HNRNPC: variants seen among roughly 807,000 people sequenced by gnomAD.
HNRNPC encodes heterogeneous nuclear ribonucleoproteins C1/C2.
A neutral mutation model predicts 33.2 loss-of-function variants in HNRNPC; 3 were observed. The observed-to-expected ratio is 0.09, with a 90% CI of 0.04 to 0.23. The LOEUF (loss-of-function observed/expected upper bound fraction) is 0.23. Ranked by LOEUF, HNRNPC falls within the 10% of genes least tolerant of loss-of-function variation. The pLI, the probability that HNRNPC is intolerant of heterozygous loss-of-function variation, is 1.00. For synonymous variants in HNRNPC, 121 were observed against 126.7 expected (o/e 0.96, Z 0.30); for missense variants, 143 against 366.7 (o/e 0.39, Z 4.98).
chr14:21,225,009 C>T (rs1893255621), intron 5 of HNRNPC, among the ~76,000 whole-genome samples: 1 of 152,126 alleles, frequency 6.6e-6, no homozygotes, highest in African/African-American at 2.4e-5. Flanking sequence ...TTGAACTAAA[C>T]CAGTCTTTTT....
chr14:21,245,330 T>C (rs1895851611), intron 2 of HNRNPC, among the ~76,000 whole-genome samples: 1 of 151,916 alleles, frequency 6.6e-6, no homozygotes, highest in Non-Finnish European at 1.5e-5. Context: ...ACCGCGTCTC[T>C]ACTAAAAATA....
At chr14:21,259,522 TTC>T (rs755661161) in intron 2 of HNRNPC, among the ~76,000 whole-genome samples, 12 of 152,170 alleles carry the variant, frequency 7.9e-5, no homozygotes, top group Admixed American at 1.3e-4. Context: ...GTTTAAAATA[TTC>T]TTTTTCCCAC....
At position 21,211,321 on chromosome 14, in the gene HNRNPC, C is replaced by A; in HGVS notation, c.799-15G>T. On this transcript the variant is annotated splice_polypyrimidine_tract_variant and intron_variant, in intron 8 of 8. Transcript: ENST00000553300. ...ATCAACTCCAGCTGTGAGAAACAGA[C>A]ACAAACAGGATGGAGTTAGAGGCAC... 2 of 1,613,582 alleles carry A rather than the reference C, an allele frequency of 1.2e-6. No homozygotes were observed. The highest frequency in any genetic ancestry group is 1.1e-5 in the South Asian group (1 of 91,074).
At chr14:21,227,324 TCATTTTCCCAA>T (rs1763495794) in intron 5 of HNRNPC, among the ~76,000 whole-genome samples, 2 of 152,126 alleles carry the variant, frequency 1.3e-5, no homozygotes, top group South Asian at 4.1e-4. Context: ...CTCCTAAAAT[TCATTTTCCCAA>T]CAAAGATCTC....
chr14:21,218,132 T>C (rs1019250931), intron 5 of HNRNPC, among the ~76,000 whole-genome samples: 4 of 152,144 alleles, frequency 2.6e-5, no homozygotes, highest in Admixed American at 2.6e-4. Flanking sequence ...CAAGCTAGTT[T>C]TTGTAATTTT....
At chr14:21,251,893 G>T (rs2138923963) in intron 2 of HNRNPC, among the ~76,000 whole-genome samples, 1 of 152,146 alleles carries the variant, frequency 6.6e-6, no homozygotes, top group South Asian at 2.1e-4. Context: ...GGTGTCAAAT[G>T]CAAAATTTGT....
intron 5 of HNRNPC, among the ~76,000 whole-genome samples, chr14:21,214,521 G>A (rs1891943801): frequency 6.6e-6 from 1 of 152,112 alleles, no homozygotes; most frequent in Admixed American, 6.5e-5. Flanking sequence ...GAGCCCAGGA[G>A]GTGAGAGAAC....
chr14:21,219,341 C>G (rs536886871), intron 5 of HNRNPC, among the ~76,000 whole-genome samples: 14 of 152,154 alleles, frequency 9.2e-5, no homozygotes, highest in African/African-American at 2.9e-4. Context: ...TAAATCAAAT[C>G]TGATGTAGGA....
At position 21,233,804 on chromosome 14, in the gene HNRNPC, C is replaced by A. The variant is rs1344782291; in HGVS notation, c.241+149G>T. 3 of 988,438 alleles carry A rather than the reference C, an allele frequency of 3.0e-6. No homozygotes were observed. The African/African-American group carries it at 5.0e-5, about 16-fold the overall frequency. 61.2% of individuals were successfully genotyped at this position (988,438 alleles called of 1,614,324 possible). ...ATATCCTTTACTTAGCCAATTATAA[C>A]TATAAGCCTAATGTATTTTTATTAG... On this transcript the variant is annotated intron_variant, in intron 3 of 8. Transcript: ENST00000553300.
intron 2 of HNRNPC, among the ~76,000 whole-genome samples, chr14:21,242,652 T>C (rs1214426671): frequency 4.6e-5 from 7 of 152,066 alleles, no homozygotes; most frequent in Non-Finnish European, 7.4e-5. Flanking sequence ...AGGGGGAAAA[T>C]GTATCTTTAC....
intron 2 of HNRNPC, among the ~76,000 whole-genome samples, chr14:21,244,199 T>C (rs1895684354): frequency 6.6e-6 from 1 of 152,166 alleles, no homozygotes; most frequent in South Asian, 2.1e-4. Flanking sequence ...GGTTTCACCA[T>C]GTTGACCATA....
intron 5 of HNRNPC, among the ~76,000 whole-genome samples, chr14:21,222,642 C>T (rs1354644316): frequency 1.3e-5 from 2 of 152,054 alleles, no homozygotes; most frequent in Admixed American, 6.6e-5. Context: ...CCTGTAATCC[C>T]AGCACTTTGG....
chr14:21,260,108 G>A (rs1211387299), intron 2 of HNRNPC, among the ~76,000 whole-genome samples: 3 of 145,386 alleles, frequency 2.1e-5, no homozygotes, highest in South Asian at 4.3e-4. Context: ...GCTGAGGCAG[G>A]AGAATGGCGT....
intron 2 of HNRNPC, among the ~76,000 whole-genome samples, chr14:21,241,980 C>A (rs1895399400): frequency 6.6e-6 from 1 of 152,120 alleles, no homozygotes; most frequent in Admixed American, 6.5e-5. Context: ...ATGAATAATT[C>A]AATACATGGT....
chr14:21,231,441 A>C, intron 3 of HNRNPC: 2 of 457,120 alleles, frequency 4.4e-6, no homozygotes, highest in Admixed American at 4.7e-5. Context: ...AATACAGCCT[A>C]GACCTCCGAA....
chr14:21,219,763 C>G (rs1002523389), intron 5 of HNRNPC, among the ~76,000 whole-genome samples: 4 of 152,270 alleles, frequency 2.6e-5, no homozygotes, highest in Non-Finnish European at 5.9e-5. Context: ...AGATGACTCC[C>G]TTAGAACCAT....
rs571987173 is a variant in HNRNPC at position 21,259,419 on chromosome 14, T to A, written c.-37+3892A>T. Among the ~76,000 whole-genome samples the A allele has an allele frequency of 4.6e-5, 7 of 152,340 alleles. No individual in the cohort carries two copies. In the East Asian group the frequency reaches 1.3e-3, roughly 29 times the overall value. On this transcript the variant is annotated intron_variant, in intron 2 of 8. Transcript: ENST00000553300. ...GAGGGCAGGGGACATGTTTTGTTCA[T>A]CCCTATATGCCCAAACCTAATGATT...
intron 3 of HNRNPC, chr14:21,231,275 A>G (rs538703383): frequency 4.5e-6 from 3 of 669,166 alleles, no homozygotes; most frequent in Admixed American, 4.1e-5. Flanking sequence ...CTGTCACTAC[A>G]GGCGGGCACC....
At chr14:21,223,422 C>G (rs1318582784) in intron 5 of HNRNPC, among the ~76,000 whole-genome samples, 1 of 152,020 alleles carries the variant, frequency 6.6e-6, no homozygotes, top group Non-Finnish European at 1.5e-5. Context: ...AGAAACTAAT[C>G]TAAAAGGAAT....
Sources: gnomAD v4.1 joint callset for allele counts (sites outside exome capture counted in the v4.1 genomes callset) on GRCh38, gnomAD v4.1.1 for gene constraint, MANE v1.5 for transcripts, NCBI Gene and HGNC (gene_info 2026-07-23, HGNC 2026-07-21) for gene names.